The following FAM169A variants were observed in gnomAD, a reference collection of about 807,000 sequenced individuals.
The protein encoded by FAM169A is soluble lamin-associated protein of 75 kDa.
FAM169A carries 24 observed loss-of-function variants against 75.7 expected under a neutral mutation model. The observed-to-expected ratio is 0.32, with a 90% CI of 0.23 to 0.45. FAM169A has a LOEUF of 0.45. FAM169A is among the 20% of genes least tolerant of loss of function. The pLI, the probability that FAM169A is intolerant of heterozygous loss-of-function variation, is 1.00. For missense variants in FAM169A, 673 were observed against 784.0 expected (o/e 0.86, Z 1.69); for synonymous variants, 271 against 271.0 (o/e 1.00, Z 0.00).
At chr5:74,845,261 G>A (rs1749094011) in intron 1 of FAM169A, among the ~76,000 whole-genome samples, 2 of 152,146 alleles carry the variant, frequency 1.3e-5, no homozygotes. Flanking sequence ...GTTCACGCCT[G>A]TAATCCCAGC....
intron 11 of FAM169A, among the ~76,000 whole-genome samples, chr5:74,793,034 T>A (rs899116365): frequency 6.6e-6 from 1 of 152,104 alleles, no homozygotes; most frequent in African/African-American, 2.4e-5. Flanking sequence ...AAAGAAAATG[T>A]GGTATATATA....
At position 74,778,628 on chromosome 5, in the gene FAM169A, A is replaced by G. The variant is rs1745244564; in HGVS notation, c.*2832T>C. 1 of 152,072 alleles carries G rather than the reference A, an allele frequency of 6.6e-6. No homozygotes were observed. Among genetic ancestry groups the G allele is most frequent in the Admixed American group, 6.5e-5 (1 of 15,268 alleles). 9.4% of individuals were successfully genotyped at this position (152,072 alleles called of 1,614,324 possible). ...AATCATAATAGACCCTCTCACCTTTAAAAGTTGTAGAGGAGCTTTATAATA... is the reference window on the plus strand; with the variant it reads ...AATCATAATAGACCCTCTCACCTTTGAAAGTTGTAGAGGAGCTTTATAATA... On this transcript the variant is annotated 3_prime_UTR_variant, in exon 13 of 13. Coordinates refer to ENST00000687041, the MANE Select transcript of FAM169A (RefSeq NM_001376049.1).
chr5:74,818,819 A>G (rs1163413297), intron 5 of FAM169A, among the ~76,000 whole-genome samples: 2 of 150,916 alleles, frequency 1.3e-5, no homozygotes, highest in Non-Finnish European at 2.9e-5. Context: ...ATATATATAT[A>G]TATATGTCAA....
chr5:74,822,132 G>A lies in FAM169A; in HGVS notation c.491-8113C>T, dbSNP rs116259260. Among the ~76,000 whole-genome samples, 1,081 of 152,334 alleles carry A rather than the reference G, an allele frequency of 7.1e-3. 4 individuals are homozygous for A. The highest frequency in any genetic ancestry group is 0.012 in the Non-Finnish European group (792 of 68,026). On this transcript the variant is annotated intron_variant, in intron 5 of 12. Transcript: ENST00000687041. Reference sequence around the variant, plus strand: ...TAAAGCAAGTTATAGGGCCAGCCCAGATTCAAACAGGCTACACAAGGATGT... The same window carrying A: ...TAAAGCAAGTTATAGGGCCAGCCCAAATTCAAACAGGCTACACAAGGATGT...
chr5:74,795,060 C>A (rs183867111), intron 11 of FAM169A, among the ~76,000 whole-genome samples: 1 of 152,028 alleles, frequency 6.6e-6, no homozygotes, highest in African/African-American at 2.4e-5. Context: ...GAGTTTGAGA[C>A]CAGCCTGGCC....
At chr5:74,847,119 C>T (rs932009988) in intron 1 of FAM169A, among the ~76,000 whole-genome samples, 3 of 152,156 alleles carry the variant, frequency 2.0e-5, no homozygotes, top group African/African-American at 7.2e-5. Flanking sequence ...CCCATCCCTG[C>T]TCCCCTTTTA....
intron 11 of FAM169A, among the ~76,000 whole-genome samples, chr5:74,789,275 G>A (rs1021331778): frequency 6.6e-6 from 1 of 152,208 alleles, no homozygotes; most frequent in African/African-American, 2.4e-5. Flanking sequence ...CATGCCAGAG[G>A]ATGGGAAATA....
intron 1 of FAM169A, among the ~76,000 whole-genome samples, chr5:74,857,664 A>G (rs1445237578): frequency 6.7e-6 from 1 of 148,988 alleles, no homozygotes; most frequent in Non-Finnish European, 1.5e-5. Flanking sequence ...GTTTAGACTT[A>G]TTCTGTATAT....
At chr5:74,830,868 A>G (rs1334402405) in intron 5 of FAM169A, among the ~76,000 whole-genome samples, 1 of 152,180 alleles carries the variant, frequency 6.6e-6, no homozygotes, top group Non-Finnish European at 1.5e-5. Context: ...AATTTCGCCT[A>G]TTGAGAAATA....
chr5:74,822,661 G>A (rs1002133475), intron 5 of FAM169A, among the ~76,000 whole-genome samples: 5 of 152,058 alleles, frequency 3.3e-5, no homozygotes, highest in South Asian at 2.1e-4. Context: ...TCTCATCCAC[G>A]CTGTAAAATT....
chr5:74,861,989 G>C (rs1226461729), intron 1 of FAM169A, among the ~76,000 whole-genome samples: 1 of 152,052 alleles, frequency 6.6e-6, no homozygotes, highest in Non-Finnish European at 1.5e-5. Context: ...CTGGTGCCCT[G>C]ACTTAAATCC....
intron 6 of FAM169A, among the ~76,000 whole-genome samples, chr5:74,805,976 C>CAAAAAAAAAAAAAAAAAA (rs370761667): frequency 1.2e-5 from 1 of 85,244 alleles, no homozygotes; most frequent in Non-Finnish European, 2.5e-5. Context: ...TTAAAAGCTC[C>CAAAAAAAAAAAAAAAAAA]AAAAAAAAAA....
At chr5:74,828,715 C>T (rs62366426) in intron 5 of FAM169A, among the ~76,000 whole-genome samples, 35,209 of 152,162 alleles carry the variant, frequency 0.23, 4,298 homozygotes, top group Middle Eastern at 0.3. Context: ...TCAGTTACTA[C>T]ATAATCTACC....
Position 74,848,012 on chromosome 5 carries a change from T to C in FAM169A, c.-3-6333A>G, listed in dbSNP as rs974155747. Among the ~76,000 whole-genome samples the C allele has an allele frequency of 1.1e-4, 16 of 152,278 alleles. No individual in the cohort carries two copies. In the East Asian group the frequency reaches 1.2e-3, roughly 11 times the overall value. ...GGTTTAAAAACAACTGTATCCATCATAGCTTTTAATATGAAAAAAACTGGA... is the reference window on the plus strand; with the variant it reads ...GGTTTAAAAACAACTGTATCCATCACAGCTTTTAATATGAAAAAAACTGGA... On this transcript the variant is annotated intron_variant, in intron 1 of 12. Transcript: ENST00000687041.
intron 5 of FAM169A, among the ~76,000 whole-genome samples, chr5:74,818,639 G>A (rs1454984505): frequency 9.5e-6 from 1 of 104,934 alleles, no homozygotes; most frequent in Non-Finnish European, 1.7e-5. Flanking sequence ...CCTAGAAAAA[G>A]CAAACTCATC....
chr5:74,789,366 T>C (rs541676478), intron 11 of FAM169A, among the ~76,000 whole-genome samples: 1 of 152,306 alleles, frequency 6.6e-6, no homozygotes, highest in African/African-American at 2.4e-5. Context: ...GAGATATTCC[T>C]TCTAAGGTAA....
chr5:74,812,584 T>C (rs954138648), intron 6 of FAM169A, among the ~76,000 whole-genome samples: 4 of 152,164 alleles, frequency 2.6e-5, no homozygotes, highest in Non-Finnish European at 5.9e-5. Flanking sequence ...CCAGCTTCTT[T>C]ATTTCTTTTT....
intron 1 of FAM169A, among the ~76,000 whole-genome samples, chr5:74,849,757 C>T (rs192807183): frequency 1.3e-4 from 20 of 152,198 alleles, no homozygotes; most frequent in African/African-American, 4.8e-4. Flanking sequence ...TCCATCACTC[C>T]TGCCCTACAC....
In FAM169A at chr5:74,840,138, A is replaced by G. The variant is rs1748780521; in HGVS notation, c.168T>C (p.Pro56=). The G allele has an allele frequency of 6.3e-7, 1 of 1,599,552 alleles. No homozygotes were observed. Among genetic ancestry groups the G allele is most frequent in the Middle Eastern group, 1.7e-4 (1 of 6,018 alleles). ...TCTGGGTCTGATCTCCACCATAAAG[A>G]GGTACAAAGCCTACATTTGACAGGC... The part of the protein sequence containing the change: ...PISLSNVGFV[P]LYGGDQTQKI... Residue 56 remains proline (P), a synonymous_variant, in exon 3 of 13, where the codon CCT becomes CCC. Transcript: ENST00000687041.
Sources: allele counts gnomAD v4.1 joint callset (sites outside exome capture counted in the v4.1 genomes callset), GRCh38; gene constraint gnomAD v4.1.1; transcripts MANE v1.5; gene names NCBI Gene and HGNC (gene_info 2026-07-23, HGNC 2026-07-21).